The following TRPC4 variants were observed in gnomAD, a reference collection of about 807,000 sequenced individuals.
TRPC4 encodes the protein transient receptor potential cation channel subfamily C member 4.
A neutral mutation model predicts 99.4 loss-of-function variants in TRPC4; 49 were observed. The observed-to-expected ratio is 0.49, with a 90% CI of 0.39 to 0.63. The LOEUF is 0.63. Among genes scored for constraint, TRPC4 ranks in the 20% least tolerant of loss-of-function variants. TRPC4 has a pLI of 0.00. For missense variants in TRPC4, 898 were observed against 1,152.9 expected, an observed-to-expected ratio of 0.78 and a Z score of 3.20; for synonymous variants, 454 against 425.9, an observed-to-expected ratio of 1.07 and a Z score of -0.81.
intron 2 of TRPC4, among the ~76,000 whole-genome samples, chr13:37,756,173 T>G (rs2139216140): frequency 6.6e-6 from 1 of 152,284 alleles, no homozygotes; most frequent in Admixed American, 6.5e-5. Flanking sequence ...TATGTACATG[T>G]GTGCACACAC....
chr13:37,715,562 C>T (rs547901804), intron 3 of TRPC4, among the ~76,000 whole-genome samples: 30 of 152,242 alleles, frequency 2.0e-4, no homozygotes, highest in South Asian at 1.5e-3. Context: ...TTCTTCCTGC[C>T]GTCCCATCCC....
At chr13:37,721,130 C>T (rs891386306) in intron 3 of TRPC4, among the ~76,000 whole-genome samples, 11 of 152,158 alleles carry the variant, frequency 7.2e-5, no homozygotes, top group African/African-American at 2.7e-4. Flanking sequence ...TGTTCATTTA[C>T]AGGCTGCATC....
chr13:37,721,091 A>C (rs1427485863), intron 3 of TRPC4, among the ~76,000 whole-genome samples: 2 of 152,182 alleles, frequency 1.3e-5, no homozygotes, highest in Non-Finnish European at 2.9e-5. Flanking sequence ...TCAGCCTATG[A>C]ATAGTTAGAA....
intron 2 of TRPC4, among the ~76,000 whole-genome samples, chr13:37,766,909 C>G (rs1210215358): frequency 2.6e-5 from 4 of 151,168 alleles, no homozygotes; most frequent in African/African-American, 9.7e-5. Flanking sequence ...TAATTTTACT[C>G]TAATGATATT....
At chr13:37,774,818 A>G (rs1956653997) in intron 2 of TRPC4, among the ~76,000 whole-genome samples, 1 of 151,828 alleles carries the variant, frequency 6.6e-6, no homozygotes, top group East Asian at 1.9e-4. Context: ...GCAGGCAGAA[A>G]GAAAGGGTAT....
chr13:37,718,433 ACAAT>A (rs1566118877), intron 3 of TRPC4, among the ~76,000 whole-genome samples: 1 of 151,978 alleles, frequency 6.6e-6, no homozygotes, highest in Non-Finnish European at 1.5e-5. Context: ...AAGAGAAAAG[ACAAT>A]CAATGAAGAC....
intron 3 of TRPC4, among the ~76,000 whole-genome samples, chr13:37,744,563 C>A (rs1955683988): frequency 6.6e-6 from 1 of 152,100 alleles, no homozygotes; most frequent in Non-Finnish European, 1.5e-5. Context: ...AATCACACAA[C>A]TAGAGGAAAA....
At chr13:37,670,212 A>G (rs992065620) in intron 5 of TRPC4, among the ~76,000 whole-genome samples, 69 of 152,182 alleles carry the variant, frequency 4.5e-4, no homozygotes, top group African/African-American at 1.6e-3. Context: ...CACCCAATCT[A>G]TGGTATTCTA....
Position 37,636,886 on chromosome 13 carries a change from G to A in TRPC4, c.*17C>T. On this transcript the variant is annotated 3_prime_UTR_variant, in exon 11 of 11. Transcript: ENST00000379705. ...GAAAATACGTATGTGTATGGTAAAC[G>A]CTTCCTCCTTCAAGTATCACAATCT... 1 of 1,598,928 alleles carries A rather than the reference G, an allele frequency of 6.3e-7. No homozygotes were observed. Among genetic ancestry groups the A allele is most frequent in the Non-Finnish European group, 8.5e-7 (1 of 1,172,146 alleles).
At position 37,634,889 on chromosome 13, in the gene TRPC4, A is replaced by G. The variant is rs1402364154; in HGVS notation, c.*2014T>C. ...TGTTCTTGAAACAGTAAATGCATTC[A>G]TTTAGGCTTGTGTTTCTCCAAATCT... is the stretch of plus-strand genomic sequence containing the variant. On this transcript the variant is annotated 3_prime_UTR_variant, in exon 11 of 11. Transcript: ENST00000379705. 6.6e-6 allele frequency among the ~76,000 whole-genome samples: 1 copy of G among 152,062 alleles called. No homozygotes were observed. The highest frequency in any genetic ancestry group is 2.4e-5 in the African/African-American group (1 of 41,444).
chr13:37,837,075 T>C (rs1436712235), intron 1 of TRPC4, among the ~76,000 whole-genome samples: 2 of 152,200 alleles, frequency 1.3e-5, no homozygotes, highest in African/African-American at 4.8e-5. Context: ...GGTGTTGAGC[T>C]TTCCAGTGCA....
chr13:37,656,241 G>C (rs78892709), intron 6 of TRPC4, among the ~76,000 whole-genome samples: 8 of 152,192 alleles, frequency 5.3e-5, no homozygotes, highest in Admixed American at 5.2e-4. Flanking sequence ...TTAATATAGT[G>C]TAATAAAACG....
chr13:37,657,733 T>C (rs1952284428), intron 6 of TRPC4, among the ~76,000 whole-genome samples: 1 of 152,186 alleles, frequency 6.6e-6, no homozygotes, highest in Non-Finnish European at 1.5e-5. Context: ...CATTTGCTCC[T>C]GTCTACATAG....
chr13:37,863,882 CA>C (rs1415934438), intron 1 of TRPC4, among the ~76,000 whole-genome samples: 4 of 151,550 alleles, frequency 2.6e-5, no homozygotes, highest in African/African-American at 9.7e-5. Flanking sequence ...CTCATCTATT[CA>C]AAAAGCACAT....
intron 1 of TRPC4, among the ~76,000 whole-genome samples, chr13:37,838,669 T>G (rs1343175323): frequency 6.6e-6 from 1 of 152,204 alleles, no homozygotes. Context: ...AAATTTACCT[T>G]TTACTTGCCC....
intron 1 of TRPC4, among the ~76,000 whole-genome samples, chr13:37,812,935 G>A (rs1035054131): frequency 6.6e-6 from 1 of 151,324 alleles, no homozygotes; most frequent in South Asian, 2.1e-4. Flanking sequence ...GATAAGCAAC[G>A]ACAACTAACT....
At chr13:37,739,011 T>C (rs967641416) in intron 3 of TRPC4, among the ~76,000 whole-genome samples, 3 of 152,142 alleles carry the variant, frequency 2.0e-5, no homozygotes, top group Non-Finnish European at 4.4e-5. Context: ...AAAAAACCTT[T>C]AGTAGTGTTG....
In TRPC4 at chr13:37,746,273, C is replaced by T; in HGVS notation, c.561G>A (p.Val187=). 3 of 1,613,798 alleles carry T rather than the reference C, an allele frequency of 1.9e-6. No homozygotes were observed. Among genetic ancestry groups the T allele is most frequent in the Non-Finnish European group, 2.5e-6 (3 of 1,179,884 alleles). ...NCVECVSSSD[V]DSLRHSRSRL... is the part of the protein sequence containing the mutation. The stretch of plus-strand genomic sequence containing the variant: ...TGGAGCGTGAGTGACGGAGGCTGTC[C>T]ACATCTGAACTGGACACGCATTCCA... The change falls in exon 3 of 11, where the codon GTG becomes GTA. Residue 187 remains valine (V), a synonymous_variant. Coordinates refer to ENST00000379705, the MANE Select transcript of TRPC4 (RefSeq NM_016179.4).
At chr13:37,863,641 T>G (rs1040142170) in intron 1 of TRPC4, among the ~76,000 whole-genome samples, 2 of 151,580 alleles carry the variant, frequency 1.3e-5, no homozygotes, top group Admixed American at 6.6e-5. Flanking sequence ...GATCTTTACA[T>G]AAAAAGAAAC....
Sources: gnomAD v4.1 joint callset for allele counts (sites outside exome capture counted in the v4.1 genomes callset) on GRCh38, gnomAD v4.1.1 for gene constraint, MANE v1.5 for transcripts, NCBI Gene and HGNC (gene_info 2026-07-23, HGNC 2026-07-21) for gene names.